Variants in CDK15 observed in about 807,000 individuals in gnomAD.
The protein encoded by CDK15 is cyclin dependent kinase 15, also known as cyclin-dependent kinase 15.
A neutral mutation model predicts 60.3 loss-of-function variants in CDK15; 62 were observed. The observed-to-expected ratio is 1.03, with a 90% CI of 0.84 to 1.27. CDK15 has a LOEUF of 1.27. CDK15 is among the 50% of genes most tolerant of loss of function. CDK15 has a pLI of 0.00. For synonymous variants in CDK15, 194 were observed against 195.7 expected, an observed-to-expected ratio of 0.99 and a Z score of 0.07; for missense variants, 541 against 527.8, an observed-to-expected ratio of 1.03 and a Z score of -0.25.
At chr2:201,853,124 T>TA (rs1459053197) in intron 9 of CDK15, among the ~76,000 whole-genome samples, 1 of 152,174 alleles carries the variant, frequency 6.6e-6, no homozygotes, top group Non-Finnish European at 1.5e-5. Flanking sequence ...GATGGTAGGT[T>TA]AAAAAAAGAA....
At chr2:201,850,645 G>T (rs1286876447) in intron 9 of CDK15, among the ~76,000 whole-genome samples, 1 of 152,122 alleles carries the variant, frequency 6.6e-6, no homozygotes, top group African/African-American at 2.4e-5. Flanking sequence ...ATTTCTTTGG[G>T]TACATGCCCT....
At chr2:201,832,895 G>C (rs571228434) in intron 6 of CDK15, among the ~76,000 whole-genome samples, 3 of 152,330 alleles carry the variant, frequency 2.0e-5, no homozygotes, top group Non-Finnish European at 4.4e-5. Flanking sequence ...CTTCCTTTCT[G>C]AACTGCCAGA....
At chr2:201,889,725 A>G (rs1356627436) in intron 12 of CDK15, among the ~76,000 whole-genome samples, 2 of 151,814 alleles carry the variant, frequency 1.3e-5, no homozygotes, top group African/African-American at 2.4e-5. Context: ...TTTTTTCTCA[A>G]TTTGCAAAAG....
chr2:201,865,609 G>A (rs535243484), intron 10 of CDK15, among the ~76,000 whole-genome samples: 4 of 152,280 alleles, frequency 2.6e-5, no homozygotes, highest in African/African-American at 7.2e-5. Flanking sequence ...CTCGGGAAGG[G>A]CCAGGTGCAG....
intron 10 of CDK15, among the ~76,000 whole-genome samples, chr2:201,871,714 G>A (rs188778981): frequency 1.3e-5 from 2 of 152,174 alleles, no homozygotes; most frequent in East Asian, 3.9e-4. Flanking sequence ...TCACAAACTG[G>A]GTGGCTTAAG....
At chr2:201,874,053 CAAAAAAAAAAAAA>C (rs61612545) in intron 11 of CDK15, among the ~76,000 whole-genome samples, 178 of 113,962 alleles carry the variant, frequency 1.6e-3, no homozygotes, top group Middle Eastern at 4.2e-3. Flanking sequence ...GACTCCGTCT[CAAAAAAAAAAAAA>C]AAAAAAAAAA....
intron 5 of CDK15, 84 bp downstream of exon 5, chr2:201,822,987 TA>T (rs1162638477): frequency 7.2e-6 from 6 of 833,124 alleles, no homozygotes; most frequent in Non-Finnish European, 1.2e-5. Context: ...TATGGCATGA[TA>T]AAACTTTTAT....
intron 8 of CDK15, among the ~76,000 whole-genome samples, chr2:201,840,145 C>T (rs539620991): frequency 2.5e-4 from 38 of 152,100 alleles, no homozygotes; most frequent in Non-Finnish European, 4.9e-4. Context: ...CCATCACACC[C>T]GGCTAATTTT....
At chr2:201,870,354 G>T (rs1184673842) in intron 10 of CDK15, among the ~76,000 whole-genome samples, 2 of 152,020 alleles carry the variant, frequency 1.3e-5, no homozygotes, top group East Asian at 1.9e-4. Flanking sequence ...TAAATTCTTT[G>T]TTGTGATGAA....
chr2:201,855,507 A>G (rs1209506382), intron 10 of CDK15, among the ~76,000 whole-genome samples: 1 of 152,098 alleles, frequency 6.6e-6, no homozygotes, highest in African/African-American at 2.4e-5. Context: ...AGTGTTATCC[A>G]TGGGGGAATT....
chr2:201,861,551 G>GTTTTTTTTTTTTTTTTTTTTTT (rs538808229), intron 10 of CDK15: 2 of 627,232 alleles, frequency 3.2e-6, no homozygotes, highest in African/African-American at 2.5e-5. Flanking sequence ...TTGTTGGTTT[G>GTTTTTTTTTTTTTTTTTTTTTT]TTTTTTTTTT....
Position 201,895,400 on chromosome 2 carries a change from T to C in CDK15, c.*2133T>C, listed in dbSNP as rs1381311341. 2 of 152,268 alleles carry C rather than the reference T, an allele frequency of 1.3e-5. No individual in the cohort carries two copies. The highest frequency in any genetic ancestry group is 2.4e-5 in the African/African-American group (1 of 41,476). 9.4% of individuals were successfully genotyped at this position (152,268 alleles called of 1,614,324 possible). A position where few individuals can be genotyped will look rare whatever the true frequency, so the allele number is the denominator to read the frequency against. ...TGGAGGAACATTATGCTTATGCATA[T>C]GCATATACCTTATGCATATGATTAT... On this transcript the variant is annotated 3_prime_UTR_variant, in exon 14 of 14. Transcript: ENST00000652192.
intron 8 of CDK15, among the ~76,000 whole-genome samples, chr2:201,846,781 T>C (rs1285976285): frequency 6.6e-6 from 1 of 152,136 alleles, no homozygotes; most frequent in Non-Finnish European, 1.5e-5. Context: ...GGATGATACA[T>C]GGGTAAGTGT....
At chr2:201,839,030 T>C (rs984098036) in intron 8 of CDK15, among the ~76,000 whole-genome samples, 6 of 152,140 alleles carry the variant, frequency 3.9e-5, no homozygotes, top group African/African-American at 1.4e-4. Context: ...AAGCTCCGCC[T>C]CCCAGGTTCA....
At position 201,894,263 on chromosome 2, in the gene CDK15, T is replaced by A. The variant is rs1030287062; in HGVS notation, c.*996T>A. 3.3e-5 allele frequency: 5 copies of A among 152,146 alleles called. No individual in the cohort carries two copies. Among genetic ancestry groups the A allele is most frequent in the African/African-American group, 1.2e-4 (5 of 41,410 alleles). The allele number at this position is 152,146 out of a possible 1,614,324, so 9.4% of individuals were successfully genotyped here. A position where few individuals can be genotyped will look rare whatever the true frequency, so the allele number is the denominator to read the frequency against. ...GCAGCCTAGAAACCAGAGACCTCTG[T>A]ATATCCTTTGGAAGAGCAAGGAGGA... On this transcript the variant is annotated 3_prime_UTR_variant, in exon 14 of 14. Coordinates refer to ENST00000652192, the MANE Select transcript of CDK15 (RefSeq NM_001366386.2).
At chr2:201,814,156 G>C (rs1020837597) in intron 4 of CDK15, among the ~76,000 whole-genome samples, 11 of 152,226 alleles carry the variant, frequency 7.2e-5, no homozygotes, top group Non-Finnish European at 1.6e-4. Context: ...ACATTTAACT[G>C]TAACAGTGAA....
Position 201,882,255 on chromosome 2 carries a change from G to T in CDK15, c.1198+2088G>T, listed in dbSNP as rs1053669955. On this transcript the variant is annotated intron_variant, in intron 12 of 13. Coordinates refer to ENST00000652192, the MANE Select transcript of CDK15 (RefSeq NM_001366386.2). This position sits in a 1 kb window ranked among gnomAD's most constrained non-coding sequence, Gnocchi z 4.0. ...AGAGAACAATCTGTATTCCTTCCCT[G>T]TTCGCCCAGTCACAGAGCCCAAATC... 3.9e-5 allele frequency among the ~76,000 whole-genome samples: 6 copies of T among 151,942 alleles called. No individual in the cohort carries two copies. The highest frequency in any genetic ancestry group is 6.6e-5 in the Admixed American group (1 of 15,242).
intron 9 of CDK15, among the ~76,000 whole-genome samples, chr2:201,854,136 T>C (rs1394465660): frequency 6.6e-6 from 1 of 151,844 alleles, no homozygotes; most frequent in Non-Finnish European, 1.5e-5. Context: ...ATCGCATCAC[T>C]GCACTCCAGC....
intron 12 of CDK15, among the ~76,000 whole-genome samples, chr2:201,889,865 C>G (rs1010860091): frequency 6.6e-6 from 1 of 151,928 alleles, no homozygotes; most frequent in African/African-American, 2.4e-5. Flanking sequence ...GCCTGGCCAA[C>G]GTGGTGAAAC....
Sources: gnomAD v4.1 joint callset for allele counts (sites outside exome capture counted in the v4.1 genomes callset) on GRCh38, gnomAD v4.1.1 for gene constraint, Gnocchi (gnomAD v3.1) non-coding constraint, MANE v1.5 for transcripts, NCBI Gene and HGNC (gene_info 2026-07-23, HGNC 2026-07-21) for gene names.